Variants in ROBO1 observed in about 807,000 individuals in gnomAD.
ROBO1 encodes the protein roundabout guidance receptor 1.
A neutral mutation model predicts 195.9 loss-of-function variants in ROBO1; 149 were observed. The observed-to-expected ratio is 0.76, with a 90% CI of 0.67 to 0.87. The LOEUF (loss-of-function observed/expected upper bound fraction) is 0.87. Ranked by LOEUF, ROBO1 falls within the 40% of genes least tolerant of loss-of-function variation. The pLI is 0.00. For missense variants in ROBO1, 1,933 were observed against 2,068.3 expected (o/e 0.93, Z 1.27); for synonymous variants, 816 against 733.2 (o/e 1.11, Z -1.82).
intron 2 of ROBO1, among the ~76,000 whole-genome samples, chr3:79,567,280 A>G (rs185630772): frequency 3.7e-4 from 57 of 152,256 alleles, no homozygotes; most frequent in African/African-American, 1.3e-3. Flanking sequence ...GAGGAAGAGT[A>G]TCGGGCACTA....
intron 1 of ROBO1, among the ~76,000 whole-genome samples, chr3:79,731,772 G>C (rs1234948854): frequency 6.6e-6 from 1 of 152,084 alleles, no homozygotes; most frequent in Non-Finnish European, 1.5e-5. Flanking sequence ...CTGCCTAAAC[G>C]ATTTTCAAAA....
At chr3:79,695,986 G>A (rs569680003) in intron 1 of ROBO1, among the ~76,000 whole-genome samples, 1 of 151,406 alleles carries the variant, frequency 6.6e-6, no homozygotes, top group South Asian at 2.1e-4. Flanking sequence ...TTTTCCCTTG[G>A]GGAGGGGGTT....
chr3:79,372,293 G>A (rs537321216), intron 2 of ROBO1, among the ~76,000 whole-genome samples: 8 of 150,558 alleles, frequency 5.3e-5, no homozygotes, highest in South Asian at 2.1e-4. Context: ...TGCAACCTCC[G>A]CCTCCCGGGT....
chr3:79,216,579 C>T (rs1369385004), intron 2 of ROBO1, among the ~76,000 whole-genome samples: 2 of 151,848 alleles, frequency 1.3e-5, no homozygotes, highest in African/African-American at 2.4e-5. Flanking sequence ...TGTGGAGTAC[C>T]TCCGAACAGT....
rs1263228907 is a variant in ROBO1, at chr3:78,635,987, G to A, written c.3159C>T (p.Phe1053=). ...LSNKINEMKT[F]NSPNLKDGRF... Reference sequence around the variant, plus strand: ...GCCCATCCTTCAGATTTGGGCTATTGAAGGTTTTCATCTCATTGATTTTGT... The same window carrying A: ...GCCCATCCTTCAGATTTGGGCTATTAAAGGTTTTCATCTCATTGATTTTGT... Residue 1053 remains phenylalanine (F), a synonymous_variant, in exon 23 of 31, where the codon TTC becomes TTT. Coordinates refer to ENST00000464233, the MANE Select transcript of ROBO1 (RefSeq NM_002941.4). 5.0e-6 allele frequency: 8 copies of A among 1,613,902 alleles called. No homozygotes were observed. Among genetic ancestry groups the A allele is most frequent in the Non-Finnish European group, 6.8e-6 (8 of 1,179,844 alleles).
chr3:78,896,285 A>G (rs920115993), intron 4 of ROBO1, among the ~76,000 whole-genome samples: 4 of 152,158 alleles, frequency 2.6e-5, no homozygotes, highest in Non-Finnish European at 5.9e-5. Context: ...ACAACACTCA[A>G]CAAGCTAAGC....
At chr3:79,590,619 A>C (rs1341445863) in intron 1 of ROBO1, among the ~76,000 whole-genome samples, 1 of 151,816 alleles carries the variant, frequency 6.6e-6, no homozygotes, top group Non-Finnish European at 1.5e-5. Flanking sequence ...TGACTGGTTA[A>C]TTAATTTTGC....
intron 3 of ROBO1, among the ~76,000 whole-genome samples, chr3:79,093,182 A>G (rs998144850): frequency 3.3e-5 from 5 of 152,064 alleles, no homozygotes; most frequent in Admixed American, 6.6e-5. Context: ...TAAATGTAAG[A>G]ATATGGGGTA....
chr3:79,622,751 G>T (rs1945048287), intron 1 of ROBO1, among the ~76,000 whole-genome samples: 1 of 152,180 alleles, frequency 6.6e-6, no homozygotes, highest in Non-Finnish European at 1.5e-5. Flanking sequence ...TAGTTCTGAG[G>T]AATCTGGGCA....
chr3:78,972,285 C>A (rs922352526), intron 3 of ROBO1, among the ~76,000 whole-genome samples: 1 of 152,128 alleles, frequency 6.6e-6, no homozygotes, highest in African/African-American at 2.4e-5. Context: ...GTCTATTAAA[C>A]AAACAGGACA....
At chr3:79,020,400 A>G (rs1190428795) in intron 3 of ROBO1, among the ~76,000 whole-genome samples, 1 of 152,214 alleles carries the variant, frequency 6.6e-6, no homozygotes, top group Non-Finnish European at 1.5e-5. Flanking sequence ...TCTTTTAAAT[A>G]GGACACAGTG....
intron 2 of ROBO1, among the ~76,000 whole-genome samples, chr3:79,263,219 A>G (rs1003405542): frequency 9.9e-5 from 15 of 152,164 alleles, no homozygotes; most frequent in African/African-American, 3.1e-4. Flanking sequence ...TAACACCTTC[A>G]ATTTCTTGAA....
At chr3:79,290,194 C>A (rs79298854) in intron 2 of ROBO1, among the ~76,000 whole-genome samples, 1 of 152,038 alleles carries the variant, frequency 6.6e-6, no homozygotes, top group East Asian at 1.9e-4. Flanking sequence ...CCACCATGCC[C>A]AGCTAATTTT....
At chr3:78,611,137 T>C (rs1476433412) in intron 28 of ROBO1, among the ~76,000 whole-genome samples, 1 of 152,182 alleles carries the variant, frequency 6.6e-6, no homozygotes, top group Non-Finnish European at 1.5e-5. Context: ...TATAAGAACA[T>C]ACGCATTCAG....
intron 1 of ROBO1, among the ~76,000 whole-genome samples, chr3:79,631,498 A>C (rs1054458433): frequency 1.3e-5 from 2 of 152,104 alleles, no homozygotes; most frequent in African/African-American, 4.8e-5. Context: ...AGATGGATTA[A>C]AGACTTAATT....
At chr3:78,981,858 A>G (rs2077002397) in intron 3 of ROBO1, among the ~76,000 whole-genome samples, 1 of 151,766 alleles carries the variant, frequency 6.6e-6, no homozygotes, top group East Asian at 1.9e-4. Flanking sequence ...CTTTCCCTAG[A>G]AATTCCTGAA....
chr3:79,566,600 G>C (rs551135334), intron 2 of ROBO1, among the ~76,000 whole-genome samples: 5 of 151,964 alleles, frequency 3.3e-5, no homozygotes, highest in Non-Finnish European at 5.9e-5. Flanking sequence ...TATATTTGTG[G>C]CATCATCATC....
chr3:79,191,411 T>A (rs1181818780), intron 2 of ROBO1, among the ~76,000 whole-genome samples: 7 of 151,442 alleles, frequency 4.6e-5, no homozygotes, highest in Non-Finnish European at 8.9e-5. Flanking sequence ...AAGGGGGAAA[T>A]GTGCTCACCC....
At chr3:79,079,722 G>A (rs892305222) in intron 3 of ROBO1, among the ~76,000 whole-genome samples, 3 of 151,628 alleles carry the variant, frequency 2.0e-5, no homozygotes, top group African/African-American at 7.3e-5. Flanking sequence ...AACCCATAGT[G>A]CCTGCTCATC....
Sources: gnomAD v4.1 joint callset for allele counts (sites outside exome capture counted in the v4.1 genomes callset) on GRCh38, gnomAD v4.1.1 for gene constraint, MANE v1.5 for transcripts, NCBI Gene and HGNC (gene_info 2026-07-23, HGNC 2026-07-21) for gene names.